ECT2: variants seen among roughly 807,000 people sequenced by gnomAD.
The protein encoded by ECT2 is epithelial cell transforming 2, also known as protein ECT2.
A neutral mutation model predicts 116.9 loss-of-function variants in ECT2; 61 were observed. The observed-to-expected ratio is 0.52, with a 90% CI of 0.42 to 0.65. ECT2 has a LOEUF of 0.65. Among genes scored for constraint, ECT2 ranks in the 30% least tolerant of loss-of-function variants. The pLI is 0.00. For synonymous variants in ECT2, 358 were observed against 346.4 expected, an observed-to-expected ratio of 1.03 and a Z score of -0.37; for missense variants, 937 against 1,078.7, an observed-to-expected ratio of 0.87 and a Z score of 1.84.
intron 11 of ECT2, among the ~76,000 whole-genome samples, 163 bp downstream of exon 11, chr3:172,763,135 C>T (rs932351990): frequency 6.6e-6 from 1 of 152,118 alleles, no homozygotes; most frequent in Non-Finnish European, 1.5e-5. Context: ...TGGAACTATT[C>T]AATGTAATGT....
intron 14 of ECT2, among the ~76,000 whole-genome samples, chr3:172,774,223 A>G (rs1721228662): frequency 6.6e-6 from 1 of 152,102 alleles, no homozygotes; most frequent in Admixed American, 6.6e-5. Context: ...TTTTTGAGAC[A>G]GTCTCACTCT....
chr3:172,777,788 C>T (rs1162647574), intron 14 of ECT2, among the ~76,000 whole-genome samples: 2 of 152,108 alleles, frequency 1.3e-5, no homozygotes, highest in Non-Finnish European at 2.9e-5. Flanking sequence ...AGTTCCAACT[C>T]TTCGGGAGGC....
Position 172,764,284 on chromosome 3 carries a change from A to G in ECT2, c.1075A>G (p.Thr359Ala), listed in dbSNP as rs767639409. 1 of 1,613,766 alleles carries G rather than the reference A, an allele frequency of 6.2e-7. No individual in the cohort carries two copies. ...ETMYLYEKAN[T>A]PELKKSVSML... ...TGTGTGCTTTTGATTACAGGCAAATACTCCTGAGCTCAAGAAATCAGTGTC... is the reference window on the plus strand; with the variant it reads ...TGTGTGCTTTTGATTACAGGCAAATGCTCCTGAGCTCAAGAAATCAGTGTC... Residue 359 changes from threonine to alanine, a missense_variant, in exon 12 of 25, where the codon ACT becomes GCT. Physicochemically the swap from Thr to Ala is moderately conservative, Grantham distance 58. Transcript: ENST00000392692.
intron 12 of ECT2, among the ~76,000 whole-genome samples, chr3:172,767,390 G>A (rs1301463918): frequency 6.6e-6 from 1 of 151,994 alleles, no homozygotes; most frequent in Non-Finnish European, 1.5e-5. Flanking sequence ...GCAGTGAGCC[G>A]AGATGGCACC....
chr3:172,784,298 A>T (rs978955499), intron 16 of ECT2, among the ~76,000 whole-genome samples: 1 of 152,142 alleles, frequency 6.6e-6, no homozygotes, highest in African/African-American at 2.4e-5. Flanking sequence ...AGTTTTTTTT[A>T]AAGTTTTATG....
At position 172,821,049 on chromosome 3, in the gene ECT2, T is replaced by G. The variant is rs1434716693; in HGVS notation, c.*812T>G. 1.3e-5 allele frequency: 2 copies of G among 151,956 alleles called. No homozygotes were observed. The highest frequency in any genetic ancestry group is 4.8e-5 in the African/African-American group (2 of 41,448). 9.4% of individuals were successfully genotyped at this position (151,956 alleles called of 1,614,324 possible). A position where few individuals can be genotyped will look rare whatever the true frequency, so the allele number is the denominator to read the frequency against. Reference sequence around the variant, plus strand: ...GGATAAGACCATGGGAAAATTGTGGTAAAGACTGTTTGTACCCTTCATGAA... The same window carrying G: ...GGATAAGACCATGGGAAAATTGTGGGAAAGACTGTTTGTACCCTTCATGAA... On this transcript the variant is annotated 3_prime_UTR_variant, in exon 25 of 25. Coordinates refer to ENST00000392692, the MANE Select transcript of ECT2 (RefSeq NM_001258315.2).
chr3:172,760,551 A>C (rs1484442300), intron 7 of ECT2, among the ~76,000 whole-genome samples: 1 of 151,182 alleles, frequency 6.6e-6, no homozygotes, highest in African/African-American at 2.4e-5. Context: ...CAAAGTGTTG[A>C]GATTACATAC....
intron 18 of ECT2, among the ~76,000 whole-genome samples, chr3:172,797,920 A>G (rs1283709902): frequency 6.6e-6 from 1 of 152,216 alleles, no homozygotes; most frequent in African/African-American, 2.4e-5. Context: ...CTCTGGTTAC[A>G]TAAATGACTA....
At chr3:172,775,166 AGTTTT>A (rs59609075) in intron 14 of ECT2, among the ~76,000 whole-genome samples, 72,168 of 151,632 alleles carry the variant, frequency 0.48, 19,627 homozygotes, top group East Asian at 0.69. Context: ...TAAGTAGTTT[AGTTTT>A]ATTTCCTCTT....
chr3:172,822,764 A>G (rs1730741813), downstream of ECT2, among the ~76,000 whole-genome samples: 1 of 152,078 alleles, frequency 6.6e-6, no homozygotes, highest in South Asian at 2.1e-4. Flanking sequence ...TTCTAGAAGT[A>G]AAAATAGAGA....
In ECT2 at chr3:172,750,815, C is replaced by G. The variant is rs1053594349; in HGVS notation, c.-65C>G. ...GAATGGCGGTATTTGTGAGAGGAGT[C>G]GGCGTTTGAAGAGGTGGAACTCCTA... On this transcript the variant is annotated 5_prime_UTR_variant, in exon 1 of 25. Coordinates refer to ENST00000392692, the MANE Select transcript of ECT2 (RefSeq NM_001258315.2). 1 of 153,194 alleles carries G rather than the reference C, an allele frequency of 6.5e-6. No homozygotes were observed. Among genetic ancestry groups the G allele is most frequent in the Non-Finnish European group, 1.5e-5 (1 of 68,398 alleles). The allele number at this position is 153,194 out of a possible 1,614,324, so 9.5% of individuals were successfully genotyped here. A position where few individuals can be genotyped will look rare whatever the true frequency, so the allele number is the denominator to read the frequency against.
intron 20 of ECT2, among the ~76,000 whole-genome samples, chr3:172,804,192 A>C (rs1329644384): frequency 6.6e-6 from 1 of 152,078 alleles, no homozygotes; most frequent in African/African-American, 2.4e-5. Context: ...TATCATATAC[A>C]TTATTATTTA....
At chr3:172,770,711 A>G (rs1238152435) in intron 13 of ECT2, among the ~76,000 whole-genome samples, 3 of 152,208 alleles carry the variant, frequency 2.0e-5, no homozygotes, top group Non-Finnish European at 1.5e-5. Flanking sequence ...TAGGATTTGG[A>G]ATAACTTAAT....
At position 172,765,426 on chromosome 3, in the gene ECT2, C is replaced by T. The variant is rs372749490; in HGVS notation, c.1291+926C>T. On this transcript the variant is annotated intron_variant, in intron 12 of 24. Transcript: ENST00000392692. ...AAAGCATTTGTATGCTGATGACTCC[C>T]AAATTTGTCCTCTTCCCTGTCAAGC... Among the ~76,000 whole-genome samples, 146 of 152,232 alleles carry T rather than the reference C, an allele frequency of 9.6e-4. 1 individual carries two copies. The South Asian group carries it at 0.026, about 27-fold the overall frequency.
chr3:172,813,353 TA>T (rs376135851), intron 22 of ECT2, among the ~76,000 whole-genome samples: 5 of 151,406 alleles, frequency 3.3e-5, no homozygotes, highest in African/African-American at 1.2e-4. Flanking sequence ...AATCACATTG[TA>T]AAAAAAAATT....
chr3:172,775,520 A>G (rs1372458734), intron 14 of ECT2, among the ~76,000 whole-genome samples: 1 of 152,172 alleles, frequency 6.6e-6, no homozygotes, highest in Non-Finnish European at 1.5e-5. Context: ...ATCCTATTCC[A>G]ATTAGGATTC....
At chr3:172,822,656 A>G (rs1481087785), downstream of ECT2, among the ~76,000 whole-genome samples, 5 of 152,032 alleles carry the variant, frequency 3.3e-5, no homozygotes, top group African/African-American at 1.2e-4. Flanking sequence ...GAAATAATAG[A>G]TCAATCAAAA....
At chr3:172,814,784 C>T (rs921280570) in intron 22 of ECT2, among the ~76,000 whole-genome samples, 1 of 152,148 alleles carries the variant, frequency 6.6e-6, no homozygotes, top group Non-Finnish European at 1.5e-5. Flanking sequence ...ACCTAATATA[C>T]TCATTCCTTT....
At chr3:172,752,292 G>T (rs1175612228) in intron 1 of ECT2, 1 of 152,046 alleles carries the variant, frequency 6.6e-6, no homozygotes, top group African/African-American at 2.4e-5. Flanking sequence ...ACCAAGCCCA[G>T]CTAATTTTTG....
Sources: gnomAD v4.1 joint callset for allele counts (sites outside exome capture counted in the v4.1 genomes callset) on GRCh38, gnomAD v4.1.1 for gene constraint, MANE v1.5 for transcripts, NCBI Gene and HGNC (gene_info 2026-07-23, HGNC 2026-07-21) for gene names.